Variants in MAK observed in about 807,000 individuals in gnomAD.
MAK encodes the protein serine/threonine-protein kinase MAK.
Under a neutral mutation model 82.6 loss-of-function variants are expected in MAK, and 65 were observed. That is an observed-to-expected ratio of 0.79 (90% CI 0.64 to 0.97). The LOEUF (loss-of-function observed/expected upper bound fraction) is 0.97, where lower values mean the gene tolerates loss of function less well. Among genes scored for constraint, MAK ranks in the 50% least tolerant of loss-of-function variants. MAK has a pLI of 0.00. For missense variants in MAK, 703 were observed against 780.2 expected (o/e 0.90, Z 1.18); for synonymous variants, 250 against 274.2 (o/e 0.91, Z 0.87).
chr6:10,797,752 T>C (rs755489597), intron 8 of MAK: 70 of 1,217,478 alleles, frequency 5.7e-5, no homozygotes, highest in Admixed American at 1.7e-4. Context: ...ACTCCTCCCA[T>C]GTGTAAGGGC....
Position 10,793,598 on chromosome 6 carries a change from A to G in MAK, c.1144-1751T>C, listed in dbSNP as rs1237570200. The stretch of plus-strand genomic sequence containing the variant: ...ATTTAGGAGAAGCATTTGTGAAAAA[A>G]CAGGTATACTTAGAAATTTTAGTTA... On this transcript the variant is annotated intron_variant, in intron 9 of 14. Transcript: ENST00000354489. This position sits in a 1 kb window ranked among gnomAD's most constrained non-coding sequence, Gnocchi z 4.6. Among the ~76,000 whole-genome samples the G allele has an allele frequency of 1.3e-5, 2 of 152,214 alleles. No individual in the cohort carries two copies. Among genetic ancestry groups the G allele is most frequent in the African/African-American group, 4.8e-5 (2 of 41,436 alleles).
chr6:10,798,725 T>C (rs763926539), intron 8 of MAK, among the ~76,000 whole-genome samples: 13 of 152,000 alleles, frequency 8.6e-5, no homozygotes, highest in Non-Finnish European at 1.6e-4. Flanking sequence ...TTTAAAAATT[T>C]TATTTTACAA....
chr6:10,830,270 A>T (rs1021983192), intron 2 of MAK, among the ~76,000 whole-genome samples: 8 of 149,144 alleles, frequency 5.4e-5, no homozygotes, highest in African/African-American at 2.0e-4. Flanking sequence ...GGTTCAAGCA[A>T]TTCTCCTGCC....
chr6:10,801,373 A>G (rs530074607), intron 8 of MAK, among the ~76,000 whole-genome samples: 5 of 152,332 alleles, frequency 3.3e-5, no homozygotes, highest in African/African-American at 9.6e-5. Flanking sequence ...ACATCTGTAG[A>G]TATGTCAGGT....
intron 8 of MAK, among the ~76,000 whole-genome samples, chr6:10,799,978 G>A (rs1204437167): frequency 5.3e-5 from 8 of 152,156 alleles, no homozygotes; most frequent in Non-Finnish European, 1.2e-4. Context: ...TATCTGGGAG[G>A]CGGAGGGTGT....
intron 2 of MAK, among the ~76,000 whole-genome samples, chr6:10,823,426 G>C (rs1778110510): frequency 6.6e-6 from 1 of 152,030 alleles, no homozygotes; most frequent in East Asian, 1.9e-4. Flanking sequence ...CACCTTCCAG[G>C]TAATCAATTT....
chr6:10,799,685 C>T (rs1775859715), intron 8 of MAK, among the ~76,000 whole-genome samples: 1 of 152,220 alleles, frequency 6.6e-6, no homozygotes, highest in Non-Finnish European at 1.5e-5. Context: ...AATCCCAGCA[C>T]TTTGGGAGGC....
intron 10 of MAK, 51 bp from the exon 11 acceptor site, chr6:10,784,623 C>T (rs1271495757): frequency 5.3e-6 from 8 of 1,504,508 alleles, no homozygotes; most frequent in Non-Finnish European, 7.3e-6. Context: ...GAGAGGATCT[C>T]GCCCACCCTC....
At chr6:10,796,359 G>T (rs201678931) in intron 8 of MAK, 50 bp from the exon 9 acceptor site, 535 of 1,446,972 alleles carry the variant, frequency 3.7e-4, no homozygotes, top group Non-Finnish European at 4.4e-4. Context: ...CCACCTAAAT[G>T]TATTGCACAT....
At chr6:10,815,441 G>T (rs940710616) in intron 4 of MAK, among the ~76,000 whole-genome samples, 1 of 152,108 alleles carries the variant, frequency 6.6e-6, no homozygotes, top group East Asian at 1.9e-4. Flanking sequence ...TGGGAAACAT[G>T]GTGAGACCCT....
intron 2 of MAK, among the ~76,000 whole-genome samples, chr6:10,825,428 T>C (rs1041005106): frequency 2.6e-5 from 4 of 151,922 alleles, no homozygotes; most frequent in African/African-American, 9.7e-5. Flanking sequence ...TAAGATCCTA[T>C]TCCAGGGCCC....
intron 8 of MAK, among the ~76,000 whole-genome samples, chr6:10,801,452 T>A (rs1248920062): frequency 6.6e-6 from 1 of 152,156 alleles, no homozygotes; most frequent in Non-Finnish European, 1.5e-5. Context: ...GGCTGCACAC[T>A]CCAGTCCCAG....
rs986348173 is a variant in MAK at position 10,800,940 on chromosome 6, C to T, written c.831+952G>A. 2.0e-5 allele frequency among the ~76,000 whole-genome samples: 3 copies of T among 152,268 alleles called. No individual in the cohort carries two copies. The highest frequency in any genetic ancestry group is 7.2e-5 in the African/African-American group (3 of 41,526). Reference sequence around the variant, plus strand: ...TTCCCTAAGAGCTAATGAATTTTCCCAGTATCACCCACTGAGCCGTCCTCC... The same window carrying T: ...TTCCCTAAGAGCTAATGAATTTTCCTAGTATCACCCACTGAGCCGTCCTCC... On this transcript the variant is annotated intron_variant, in intron 8 of 14. Coordinates refer to ENST00000354489, the MANE Select transcript of MAK (RefSeq NM_001242957.3). The surrounding 1 kb of genome is among the most constrained non-coding windows in gnomAD (Gnocchi z 4.2).
chr6:10,795,950 TG>T, intron 9 of MAK, 47 bp downstream of exon 9: 1 of 1,581,228 alleles, frequency 6.3e-7, no homozygotes, highest in South Asian at 1.1e-5. Context: ...AAATCTTAAT[TG>T]CACGAGTCAA....
At position 10,824,783 on chromosome 6, in the gene MAK, G is replaced by A. The variant is rs1268066735; in HGVS notation, c.101+5765C>T. 2.6e-5 allele frequency among the ~76,000 whole-genome samples: 4 copies of A among 152,182 alleles called. No individual in the cohort carries two copies. The South Asian group carries it at 6.2e-4, about 24-fold the overall frequency. On this transcript the variant is annotated intron_variant, in intron 2 of 14. Transcript: ENST00000354489. Reference sequence around the variant, plus strand: ...TCCAAAGCTCCATGCCTCCACTGCCGTACTTCCCGCTACTCCTTGTCCCAC... The same window carrying A: ...TCCAAAGCTCCATGCCTCCACTGCCATACTTCCCGCTACTCCTTGTCCCAC...
chr6:10,769,268 G>T (rs961805030), intron 14 of MAK, among the ~76,000 whole-genome samples: 2 of 152,140 alleles, frequency 1.3e-5, no homozygotes, highest in African/African-American at 4.8e-5. Flanking sequence ...TCTTATTAAA[G>T]TTCTAATGAT....
chr6:10,810,998 TTTTA>T (rs951519768), intron 5 of MAK, among the ~76,000 whole-genome samples: 1 of 152,160 alleles, frequency 6.6e-6, no homozygotes, highest in African/African-American at 2.4e-5. Flanking sequence ...AACTATTTTA[TTTTA>T]TTTATTTATT....
chr6:10,802,529 G>A (rs1776101755), intron 7 of MAK: 1 of 156,500 alleles, frequency 6.4e-6, no homozygotes, highest in Non-Finnish European at 1.4e-5. Flanking sequence ...TTGAACTCCT[G>A]GGCTCAAGTG....
At chr6:10,801,765 A>T in intron 8 of MAK, 127 bp downstream of exon 8, 2 of 831,690 alleles carry the variant, frequency 2.4e-6, no homozygotes, top group Non-Finnish European at 4.0e-6. Context: ...CTGGATGCCT[A>T]GGACTTTGTG....
Sources: allele counts gnomAD v4.1 joint callset (sites outside exome capture counted in the v4.1 genomes callset), GRCh38; gene constraint gnomAD v4.1.1; non-coding constraint Gnocchi (gnomAD v3.1); transcripts MANE v1.5; gene names NCBI Gene and HGNC (gene_info 2026-07-23, HGNC 2026-07-21).